The following TERT variants were observed in gnomAD, a reference collection of about 807,000 sequenced individuals.
TERT encodes telomerase reverse transcriptase, also known as telomerase catalytic subunit.
Under a neutral mutation model 104.0 loss-of-function variants are expected in TERT, and 42 were observed. The ratio of observed to expected loss-of-function variants is 0.40; its 90% CI spans 0.32 to 0.52. The LOEUF is 0.52. Among genes scored for constraint, TERT ranks in the 20% least tolerant of loss-of-function variants. The pLI is 0.43. For missense variants in TERT, 1,101 were observed against 1,610.3 expected, an observed-to-expected ratio of 0.68 and a Z score of 5.41; for synonymous variants, 781 against 725.6, an observed-to-expected ratio of 1.08 and a Z score of -1.23.
intron 4 of TERT, 115 bp from the exon 5 acceptor site, chr5:1,279,585 C>A: frequency 9.2e-7 from 1 of 1,087,560 alleles, no homozygotes; most frequent in Non-Finnish European, 1.4e-6. Flanking sequence ...CCACCCAGAC[C>A]CGGGACCTAG....
chr5:1,279,687 C>T (rs954468714), intron 4 of TERT, among the ~76,000 whole-genome samples: 2 of 152,136 alleles, frequency 1.3e-5, no homozygotes, highest in Non-Finnish European at 2.9e-5. Context: ...CCTCTGTCCA[C>T]CTCACCCCAC....
chr5:1,281,805 G>A (rs1750039524), intron 3 of TERT, among the ~76,000 whole-genome samples: 1 of 152,158 alleles, frequency 6.6e-6, no homozygotes, highest in Admixed American at 6.6e-5. Context: ...AAGAGAATCG[G>A]GGGCTGGGCA....
At position 1,278,641 on chromosome 5, in the gene TERT, G is replaced by A. The variant is rs768062052; in HGVS notation, c.2286C>T (p.His762=). 32 of 1,613,998 alleles carry A rather than the reference G, an allele frequency of 2.0e-5. No individual in the cohort carries two copies. In the South Asian group the frequency reaches 2.3e-4, roughly 12 times the overall value. Residue 762 remains histidine (H), a splice_region_variant and synonymous_variant, in exon 6 of 16, where the codon CAC becomes CAT. Transcript: ENST00000310581. ...CACGACTATCACACGTGAACCTTACGTGGCTCTTGAAGGCCTTGCGGACGT... is the reference window on the plus strand; with the variant it reads ...CACGACTATCACACGTGAACCTTACATGGCTCTTGAAGGCCTTGCGGACGT... The part of the protein sequence containing the change: ...HGHVRKAFKS[H]VSTLTDLQPY...
Position 1,275,388 on chromosome 5 carries a change from A to G in TERT, c.2287-3108T>C, listed in dbSNP as rs1160503445. On this transcript the variant is annotated intron_variant, in intron 6 of 15. Transcript: ENST00000310581. ...GAGACTCTGTTATCAAAAAAAAAAAAAAAGAAAGAAAAAAAGAAAGAAAGC... is the reference window on the plus strand; with the variant it reads ...GAGACTCTGTTATCAAAAAAAAAAAGAAAGAAAGAAAAAAAGAAAGAAAGC... Among the ~76,000 whole-genome samples, 10 of 148,724 alleles carry G rather than the reference A, an allele frequency of 6.7e-5. No homozygotes were observed. In the South Asian group the frequency reaches 1.2e-3, roughly 19 times the overall value.
intron 5 of TERT, 90 bp downstream of exon 5, chr5:1,279,201 G>C: frequency 6.9e-7 from 1 of 1,444,104 alleles, no homozygotes. Flanking sequence ...GGCCCACCCA[G>C]GAGTACCTCC....
intron 6 of TERT, among the ~76,000 whole-genome samples, chr5:1,273,685 G>A (rs76559061): frequency 1.6e-4 from 2 of 12,612 alleles, no homozygotes; most frequent in Non-Finnish European, 2.6e-4. Context: ...CCCCACGACC[G>A]CCATCCACAG....
rs148540276 is a variant in TERT, at chr5:1,264,939, G to A, written c.2655-347C>T. On this transcript the variant is annotated intron_variant, in intron 10 of 15. Transcript: ENST00000310581. Reference sequence around the variant, plus strand: ...CCCGTTATAGACTCATCTGTGGTCCGGGGCAGACTAAAATCTGGACAAGAA... The same window carrying A: ...CCCGTTATAGACTCATCTGTGGTCCAGGGCAGACTAAAATCTGGACAAGAA... Among the ~76,000 whole-genome samples, 357 of 152,304 alleles carry A rather than the reference G, an allele frequency of 2.3e-3. 2 individuals are homozygous for A. The highest frequency in any genetic ancestry group is 6.8e-3 in the Middle Eastern group (2 of 294).
At chr5:1,278,076 G>C (rs901451893) in intron 6 of TERT, among the ~76,000 whole-genome samples, 2 of 152,144 alleles carry the variant, frequency 1.3e-5, no homozygotes, top group Non-Finnish European at 2.9e-5. Context: ...GGGGTGCCAG[G>C]GGTCCAGGAA....
intron 8 of TERT, 65 bp downstream of exon 8, chr5:1,271,054 G>A (rs1748993055): frequency 3.8e-6 from 5 of 1,318,318 alleles, no homozygotes; most frequent in South Asian, 1.2e-5. Flanking sequence ...GGAGAGAGGT[G>A]AGCAGAAGCC....
chr5:1,258,151 G>A (rs1298211470), intron 13 of TERT, among the ~76,000 whole-genome samples: 6 of 152,248 alleles, frequency 3.9e-5, no homozygotes, highest in African/African-American at 1.4e-4. Flanking sequence ...CAGCTCTGCT[G>A]CACCTTCCCG....
At chr5:1,258,240 T>C (rs527845315) in intron 13 of TERT, among the ~76,000 whole-genome samples, 5 of 152,264 alleles carry the variant, frequency 3.3e-5, no homozygotes, top group African/African-American at 1.2e-4. Flanking sequence ...GCATCTGATC[T>C]CCCATCTACT....
rs1474927855 is a variant in TERT at position 1,256,546 on chromosome 5, CAT to C, written c.3033-1137_3033-1136del. Among the ~76,000 whole-genome samples the C allele has an allele frequency of 1.7e-4, 26 of 148,926 alleles. No homozygotes were observed. The highest frequency in any genetic ancestry group is 2.8e-4 in the Non-Finnish European group (19 of 67,284). On this transcript the variant is annotated intron_variant, in intron 13 of 15. Transcript: ENST00000310581. This position sits in a 1 kb window ranked among gnomAD's most constrained non-coding sequence, Gnocchi z 7.0. ...CACTGCCTGAGCCCCCCGTGTACCT[CAT>C]CTCACCCACTGCCTGAGCCCCCCAT... is the stretch of plus-strand genomic sequence containing the variant.
rs1298262933 is a variant in TERT at position 1,265,288 on chromosome 5, G to A, written c.2655-696C>T. Among the ~76,000 whole-genome samples, 1 of 152,114 alleles carries A rather than the reference G, an allele frequency of 6.6e-6. No individual in the cohort carries two copies. Among genetic ancestry groups the A allele is most frequent in the Non-Finnish European group, 1.5e-5 (1 of 68,006 alleles). ...CGGGCGTCCCCCTGCCCTTCCTGTGGCCTGGCCCTGGGACCTCGGCCAGCT... is the reference window on the plus strand; with the variant it reads ...CGGGCGTCCCCCTGCCCTTCCTGTGACCTGGCCCTGGGACCTCGGCCAGCT... On this transcript the variant is annotated intron_variant, in intron 10 of 15. Coordinates refer to ENST00000310581, the MANE Select transcript of TERT (RefSeq NM_198253.3). The surrounding 1 kb of genome is among the most constrained non-coding windows in gnomAD (Gnocchi z 6.9).
Position 1,280,228 on chromosome 5 carries a change from G to C in TERT, c.1880C>G (p.Pro627Arg), listed in dbSNP as rs146439826. 10 of 1,613,862 alleles carry C rather than the reference G, an allele frequency of 6.2e-6. No individual in the cohort carries two copies. Among genetic ancestry groups the C allele is most frequent in the African/African-American group, 1.3e-5 (1 of 74,962 alleles). The change falls in exon 4 of 16, where the codon CCT (proline) becomes CGT (arginine). Residue 627 changes from proline (P) to arginine (R), a missense_variant. Pro to Arg is a moderately radical substitution (Grantham distance 103). Around this residue, in one of 5 missense-constraint regions of TERT, gnomAD observed 463 missense variants for 797.5 expected, o/e 0.58. Transcript: ENST00000310581. Reference sequence around the variant, plus strand: ...GTTCACAATCGGCCGCAGCCCGTCAGGCTTGGGGATGAAGCGGAGTCTGGA... The same window carrying C: ...GTTCACAATCGGCCGCAGCCCGTCACGCTTGGGGATGAAGCGGAGTCTGGA... ...LTSRLRFIPKPDGLRPIVNMD... is the reference protein window; with the variant it reads ...LTSRLRFIPKRDGLRPIVNMD...
At chr5:1,267,994 G>T (rs1043270457) in intron 9 of TERT, among the ~76,000 whole-genome samples, 1 of 151,834 alleles carries the variant, frequency 6.6e-6, no homozygotes, top group African/African-American at 2.4e-5. Flanking sequence ...AAAAAAAAAA[G>T]TAACTGCTGT....
Position 1,269,566 on chromosome 5 carries a change from G to A in TERT, c.2469-933C>T, listed in dbSNP as rs935352934. On this transcript the variant is annotated intron_variant, in intron 8 of 15. Coordinates refer to ENST00000310581, the MANE Select transcript of TERT (RefSeq NM_198253.3). This position sits in a 1 kb window ranked among gnomAD's most constrained non-coding sequence, Gnocchi z 9.0. ...GCGGAGGTTGCAGTGAGTTGAGATC[G>A]CGCCACTGCACTCAAGCCCAGGCAG... Among the ~76,000 whole-genome samples, 6 of 151,268 alleles carry A rather than the reference G, an allele frequency of 4.0e-5. No individual in the cohort carries two copies. The highest frequency in any genetic ancestry group is 7.3e-5 in the African/African-American group (3 of 41,062).
chr5:1,294,752 C>G lies in TERT; in HGVS notation c.219+19G>C. On this transcript the variant is annotated intron_variant, in intron 1 of 15. Coordinates refer to ENST00000310581, the MANE Select transcript of TERT (RefSeq NM_198253.3). ...GCCGCCCTCAACCCCAGCCGGACGC[C>G]GACCCCGGGGAGGCCCACCTGGCGG... 1 of 1,555,496 alleles carries G rather than the reference C, an allele frequency of 6.4e-7. No individual in the cohort carries two copies. The highest frequency in any genetic ancestry group is 2.4e-5 in the East Asian group (1 of 42,334).
At chr5:1,253,911 C>T (rs756974000) in intron 15 of TERT, 80 bp from the exon 16 acceptor site, 9 of 1,472,450 alleles carry the variant, frequency 6.1e-6, no homozygotes, top group South Asian at 2.4e-5. Flanking sequence ...TGTGGGTGGC[C>T]GGGCAGGCAG....
At position 1,293,910 on chromosome 5, in the gene TERT, C is replaced by T. The variant is rs1030156757; in HGVS notation, c.976G>A (p.Ala326Thr). ...GAGTAGAGGAAGTGCTTGGTCTCGG[C>T]GTACACCGGGGGACAAGGCGTGTCC... ...PWDTPCPPVY[A>T]ETKHFLYSSG... Residue 326 changes from alanine to threonine, a missense_variant, in exon 2 of 16, where the codon GCC (alanine) becomes ACC (threonine). This residue lies in a region of TERT where 504 missense variants were observed against 544.6 expected (regional missense o/e 0.93). Coordinates refer to ENST00000310581, the MANE Select transcript of TERT (RefSeq NM_198253.3). The T allele has an allele frequency of 5.8e-6, 9 of 1,541,996 alleles. No homozygotes were observed. In the Admixed American group the frequency reaches 1.4e-4, roughly 24 times the overall value.
Sources: allele counts gnomAD v4.1 joint callset (sites outside exome capture counted in the v4.1 genomes callset), GRCh38; gene constraint gnomAD v4.1.1; regional missense constraint gnomAD v4.1.1; non-coding constraint Gnocchi (gnomAD v3.1); transcripts MANE v1.5; gene names NCBI Gene and HGNC (gene_info 2026-07-23, HGNC 2026-07-21).